Variants in PCDH11X observed in about 807,000 individuals in gnomAD.
PCDH11X encodes protocadherin-11 X-linked.
A neutral mutation model predicts 53.3 loss-of-function variants in PCDH11X; 18 were observed. That is an observed-to-expected ratio of 0.34 (90% CI 0.23 to 0.50). The LOEUF is 0.50. Ranked by LOEUF, PCDH11X falls within the 20% of genes least tolerant of loss-of-function variation. The pLI, the probability that PCDH11X is intolerant of heterozygous loss-of-function variation, is 0.98. For missense variants in PCDH11X, 570 were observed against 1,032.4 expected (o/e 0.55, Z 6.14); for synonymous variants, 279 against 393.3 (o/e 0.71, Z 3.44).
chrX:92,175,799 C>T (rs2065900310), intron 6 of PCDH11X, among the ~76,000 whole-genome samples: 1 of 94,106 alleles, frequency 1.1e-5, no homozygotes, highest in Non-Finnish European at 2.1e-5. Context: ...CACACACACA[C>T]ACACAGAGAG....
At chrX:92,108,683 A>G (rs182361515) in intron 6 of PCDH11X, among the ~76,000 whole-genome samples, 7 of 111,773 alleles carry the variant, frequency 6.3e-5, no homozygotes, top group East Asian at 2.8e-4. Flanking sequence ...CCAATAATGC[A>G]TCCGTAAACA....
At chrX:91,872,153 A>T in intron 5 of PCDH11X, among the ~76,000 whole-genome samples, 1 of 110,103 alleles carries the variant, frequency 9.1e-6, no homozygotes, top group Non-Finnish European at 1.9e-5. Context: ...CTGGCTACAT[A>T]CCACACTTAG....
At chrX:91,854,250 C>T (rs781543219) in intron 5 of PCDH11X, among the ~76,000 whole-genome samples, 57 of 111,816 alleles carry the variant, frequency 5.1e-4, no homozygotes, top group African/African-American at 1.8e-3. Context: ...TATGTGAGAA[C>T]GTGTGAAGTT....
intron 10 of PCDH11X, among the ~76,000 whole-genome samples, chrX:92,501,056 C>T (rs1222653142): frequency 1.8e-5 from 2 of 108,927 alleles, no homozygotes; most frequent in Admixed American, 9.8e-5. Flanking sequence ...CACCACTGAT[C>T]CCACAGAAAT....
At chrX:92,313,358 A>G (rs1433299774) in intron 8 of PCDH11X, among the ~76,000 whole-genome samples, 2 of 110,361 alleles carry the variant, frequency 1.8e-5, no homozygotes, top group Non-Finnish European at 3.8e-5. Context: ...CAGTTAGTCA[A>G]TGACTGATAG....
intron 6 of PCDH11X, among the ~76,000 whole-genome samples, chrX:91,912,096 A>C (rs2147803882): frequency 8.9e-6 from 1 of 112,089 alleles, no homozygotes; most frequent in African/African-American, 3.2e-5. Flanking sequence ...CCATTGGCAT[A>C]TAGAAATGCT....
intron 9 of PCDH11X, among the ~76,000 whole-genome samples, chrX:92,465,292 A>G (rs2073136503): frequency 8.9e-6 from 1 of 112,094 alleles, no homozygotes; most frequent in Admixed American, 9.5e-5. Flanking sequence ...ATGCATATGC[A>G]TAGTGATACT....
chrX:92,226,319 G>A (rs1474675630), intron 7 of PCDH11X, among the ~76,000 whole-genome samples: 1 of 111,180 alleles, frequency 9.0e-6, no homozygotes, highest in African/African-American at 3.3e-5. Context: ...AACTTTGATT[G>A]GGCAAAAAGG....
intron 6 of PCDH11X, among the ~76,000 whole-genome samples, chrX:91,978,368 C>T (rs1026681122): frequency 4.7e-5 from 5 of 106,213 alleles, no homozygotes; most frequent in Admixed American, 3.0e-4. Flanking sequence ...CCTGAGTCTC[C>T]GGGGAGGTTG....
At chrX:92,039,908 T>C (rs2063185092) in intron 6 of PCDH11X, among the ~76,000 whole-genome samples, 1 of 102,159 alleles carries the variant, frequency 9.8e-6, no homozygotes, top group Non-Finnish European at 1.9e-5. Context: ...ACTCAGAGTC[T>C]ATTGAATTAT....
chrX:92,177,225 G>A (rs888263559), intron 6 of PCDH11X, among the ~76,000 whole-genome samples: 2 of 110,790 alleles, frequency 1.8e-5, no homozygotes, highest in Admixed American at 1.9e-4. Context: ...CAATCTGCCT[G>A]CCTTGGCTTC....
intron 10 of PCDH11X, among the ~76,000 whole-genome samples, chrX:92,505,990 A>C (rs1172734358): frequency 9.1e-6 from 1 of 110,482 alleles, no homozygotes; most frequent in Admixed American, 9.8e-5. Flanking sequence ...TAGAAATGCT[A>C]CTTATTTTTG....
At chrX:92,510,975 A>G (rs2148706545) in intron 10 of PCDH11X, among the ~76,000 whole-genome samples, 1 of 111,479 alleles carries the variant, frequency 9.0e-6, no homozygotes, top group Admixed American at 9.6e-5. Context: ...AAATGTTCAG[A>G]CTGCAGACAG....
At chrX:92,014,938 T>G (rs1176058398) in intron 6 of PCDH11X, among the ~76,000 whole-genome samples, 11 of 110,681 alleles carry the variant, frequency 9.9e-5, no homozygotes, top group Non-Finnish European at 1.9e-4. Context: ...TAATGTTAAA[T>G]GACGAGTTAA....
chrX:92,212,878 T>C (rs754622866), intron 7 of PCDH11X, among the ~76,000 whole-genome samples: 1 of 112,234 alleles, frequency 8.9e-6, no homozygotes, highest in East Asian at 2.8e-4. Flanking sequence ...AACACACTTA[T>C]CTTTTGGCTT....
intron 9 of PCDH11X, among the ~76,000 whole-genome samples, chrX:92,434,674 TA>T (rs2072328438): frequency 9.6e-6 from 1 of 103,947 alleles, no homozygotes; most frequent in South Asian, 4.4e-4. Flanking sequence ...CTCAAGTAGC[TA>T]ATTTTTTTTT....
At position 92,147,984 on chromosome X, in the gene PCDH11X, C is replaced by CCTTT. The variant is rs1164396401; in HGVS notation, c.3034-53370_3034-53367dup. Among the ~76,000 whole-genome samples the CCTTT allele has an allele frequency of 4.6e-3, 332 of 72,127 alleles. 9 individuals carry two copies. In the East Asian group the frequency reaches 0.067, roughly 15 times the overall value. 62.6% of individuals were successfully genotyped at this position (72,127 alleles called of 115,157 possible). A position where few individuals can be genotyped will look rare whatever the true frequency, so the allele number is the denominator to read the frequency against. ...CTTTCCCTTCCTTCCTTCCTTCCTT[C>CCTTT]CTTTCTTTCTTTCTTTCTTTCTTTT... On this transcript the variant is annotated intron_variant, in intron 6 of 10. Coordinates refer to ENST00000682573, the MANE Select transcript of PCDH11X (RefSeq NM_032968.5).
chrX:92,231,305 A>C (rs2148370360), intron 7 of PCDH11X, among the ~76,000 whole-genome samples: 1 of 111,876 alleles, frequency 8.9e-6, no homozygotes, highest in Admixed American at 9.5e-5. Context: ...TTTAAAAAGT[A>C]AGCTAGTGAG....
chrX:91,801,348 T>C (rs1935932434), intron 1 of PCDH11X, among the ~76,000 whole-genome samples: 1 of 109,592 alleles, frequency 9.1e-6, no homozygotes, highest in South Asian at 4.0e-4. Context: ...AAAAAGAGGG[T>C]CTTGAGTCAT....
Sources: allele counts gnomAD v4.1 joint callset (sites outside exome capture counted in the v4.1 genomes callset), GRCh38; gene constraint gnomAD v4.1.1; transcripts MANE v1.5; gene names NCBI Gene and HGNC (gene_info 2026-07-23, HGNC 2026-07-21).